The following GRID2 variants were observed in gnomAD, a reference collection of about 807,000 sequenced individuals.
The protein encoded by GRID2 is glutamate receptor ionotropic, delta-2.
A neutral mutation model predicts 114.8 loss-of-function variants in GRID2; 33 were observed. The observed-to-expected ratio is 0.29, with a 90% confidence interval of 0.22 to 0.38. The LOEUF is 0.38. GRID2 is among the 10% of genes least tolerant of loss of function. GRID2 has a pLI of 1.00. For missense variants in GRID2, 1,184 were observed against 1,257.7 expected (o/e 0.94, Z 0.89); for synonymous variants, 505 against 449.9 (o/e 1.12, Z -1.55).
chr4:93,260,891 A>G (rs981326975), intron 8 of GRID2, among the ~76,000 whole-genome samples: 3 of 151,844 alleles, frequency 2.0e-5, no homozygotes, highest in Non-Finnish European at 4.4e-5. Flanking sequence ...TCAATGGTTG[A>G]CATCCTGGGC....
At chr4:92,833,225 C>G (rs1275590547) in intron 2 of GRID2, among the ~76,000 whole-genome samples, 2 of 152,108 alleles carry the variant, frequency 1.3e-5, no homozygotes, top group Non-Finnish European at 2.9e-5. Flanking sequence ...CGGGGGAAGT[C>G]TGTAATAAAA....
intron 9 of GRID2, among the ~76,000 whole-genome samples, chr4:93,416,577 C>A (rs192819471): frequency 6.6e-6 from 1 of 152,172 alleles, no homozygotes; most frequent in Admixed American, 6.6e-5. Flanking sequence ...CTCAGTAAAG[C>A]CTTGGCAGTA....
chr4:92,710,444 T>A (rs1315577670), intron 2 of GRID2, among the ~76,000 whole-genome samples: 2 of 152,218 alleles, frequency 1.3e-5, no homozygotes, highest in Non-Finnish European at 2.9e-5. Context: ...AGGTATATTT[T>A]CCAATGTGCT....
intron 2 of GRID2, among the ~76,000 whole-genome samples, chr4:92,611,823 A>G (rs1017715788): frequency 6.6e-6 from 1 of 151,510 alleles, no homozygotes; most frequent in Non-Finnish European, 1.5e-5. Flanking sequence ...CCAATCATGC[A>G]TACATATTTA....
At chr4:93,798,063 G>A (rs921289454) in intron 1 of GRID2, among the ~76,000 whole-genome samples, 5 of 152,106 alleles carry the variant, frequency 3.3e-5, no homozygotes, top group African/African-American at 1.2e-4. Context: ...TGAGGCAGGA[G>A]AATTGCTTGA....
Position 93,110,886 on chromosome 4 carries a change from A to T in GRID2, c.668A>T (p.Tyr223Phe). ...DTMRIEELNR[Y>F]RDTLRRAILV... ...ATGAGAATAGAAGAACTGAATCGCT[A>T]TCGAGACACTCTTAGGCGAGCGATC... Residue 223 changes from tyrosine to phenylalanine, a missense_variant, in exon 4 of 16, where the codon TAT becomes TTT. Transcript: ENST00000282020. 6.2e-7 allele frequency: 1 copy of T among 1,612,872 alleles called. No individual in the cohort carries two copies.
chr4:93,242,122 A>G (rs1314962725), intron 8 of GRID2, among the ~76,000 whole-genome samples: 1 of 151,980 alleles, frequency 6.6e-6, no homozygotes, highest in Non-Finnish European at 1.5e-5. Context: ...GTTTGATGTT[A>G]GGAAGTTAAG....
At chr4:93,281,906 T>A (rs968431244) in intron 8 of GRID2, among the ~76,000 whole-genome samples, 7 of 152,004 alleles carry the variant, frequency 4.6e-5, no homozygotes, top group Non-Finnish European at 1.0e-4. Context: ...AAAAGATTAA[T>A]GCTAAAAAGC....
intron 2 of GRID2, among the ~76,000 whole-genome samples, chr4:92,799,506 C>G (rs1328406684): frequency 1.3e-5 from 2 of 151,972 alleles, no homozygotes; most frequent in African/African-American, 4.8e-5. Flanking sequence ...TCTTCTGAGG[C>G]CTTTCTTTTT....
At chr4:93,571,367 G>A (rs1735917669) in intron 13 of GRID2, among the ~76,000 whole-genome samples, 1 of 151,966 alleles carries the variant, frequency 6.6e-6, no homozygotes, top group Non-Finnish European at 1.5e-5. Context: ...ATATATAATT[G>A]TGCATATTAT....
intron 11 of GRID2, among the ~76,000 whole-genome samples, chr4:93,466,084 G>A (rs776145181): frequency 6.6e-6 from 1 of 152,030 alleles, no homozygotes; most frequent in Non-Finnish European, 1.5e-5. Context: ...TACACTTAGG[G>A]TTTTGTTTTG....
intron 14 of GRID2, among the ~76,000 whole-genome samples, chr4:93,647,724 G>C (rs1228438109): frequency 6.6e-6 from 1 of 152,122 alleles, no homozygotes; most frequent in Non-Finnish European, 1.5e-5. Context: ...TAATGGGATG[G>C]AAGAAATGTT....
intron 14 of GRID2, among the ~76,000 whole-genome samples, chr4:93,628,299 G>T (rs768016287): frequency 2.0e-5 from 3 of 151,896 alleles, no homozygotes; most frequent in Non-Finnish European, 2.9e-5. Flanking sequence ...CCATGCACAA[G>T]AAACAAAGAA....
At position 93,025,713 on chromosome 4, in the gene GRID2, G is replaced by C. The variant is rs137888134; in HGVS notation, c.245-59282G>C. ...AGAAGAATAAAAACAGTGAGAAATA[G>C]GCTTTAAATATAACCATTTTCACTT... On this transcript the variant is annotated intron_variant, in intron 2 of 15. Transcript: ENST00000282020. Among the ~76,000 whole-genome samples the C allele has an allele frequency of 3.6e-3, 552 of 151,796 alleles. 1 individual carries two copies. Among genetic ancestry groups the C allele is most frequent in the African/African-American group, 0.012 (478 of 41,490 alleles).
chr4:92,668,689 T>G (rs1198993040), intron 2 of GRID2, among the ~76,000 whole-genome samples: 1 of 151,860 alleles, frequency 6.6e-6, no homozygotes, highest in Non-Finnish European at 1.5e-5. Context: ...AGTACACCTT[T>G]AGCATGACTT....
At position 92,346,869 on chromosome 4, in the gene GRID2, T is replaced by C. The variant is rs927093605; in HGVS notation, c.88+42125T>C. ...TTTAATGATTTAAAGATTTTACTTC[T>C]AATTATTTTAGTTGCAAGTGATATG... On this transcript the variant is annotated intron_variant, in intron 1 of 15. Coordinates refer to ENST00000282020, the MANE Select transcript of GRID2 (RefSeq NM_001510.4). 2.6e-5 allele frequency among the ~76,000 whole-genome samples: 4 copies of C among 152,232 alleles called. No homozygotes were observed. In the East Asian group the frequency reaches 7.7e-4, roughly 29 times the overall value.
chr4:92,663,774 A>G (rs1732635428), intron 2 of GRID2, among the ~76,000 whole-genome samples: 1 of 150,976 alleles, frequency 6.6e-6, no homozygotes, highest in South Asian at 2.1e-4. Context: ...CTGAAACTCT[A>G]TCCCATTAAA....
chr4:92,784,073 T>C (rs1739210689), intron 2 of GRID2, among the ~76,000 whole-genome samples: 1 of 152,074 alleles, frequency 6.6e-6, no homozygotes. Flanking sequence ...TTATCTGGTG[T>C]GCTTTTGTTT....
chr4:93,333,310 G>A (rs1004769533), intron 8 of GRID2, among the ~76,000 whole-genome samples: 2 of 152,092 alleles, frequency 1.3e-5, no homozygotes, highest in African/African-American at 4.8e-5. Flanking sequence ...CTACATACTA[G>A]GTGATGTTGA....
Sources: allele counts gnomAD v4.1 joint callset (sites outside exome capture counted in the v4.1 genomes callset), GRCh38; gene constraint gnomAD v4.1.1; transcripts MANE v1.5; gene names NCBI Gene and HGNC (gene_info 2026-07-23, HGNC 2026-07-21).